PRDM16: variants seen among roughly 807,000 people sequenced by gnomAD.
The protein encoded by PRDM16 is histone-lysine N-methyltransferase PRDM16.
In PRDM16, 23 loss-of-function variants were observed where a neutral mutation model predicts 110.6. The observed-to-expected ratio is 0.21, with a 90% CI of 0.15 to 0.29. The LOEUF (loss-of-function observed/expected upper bound fraction) is 0.29, where lower values mean the gene tolerates loss of function less well. PRDM16 is among the 10% of genes least tolerant of loss of function. The pLI, the probability that PRDM16 is intolerant of heterozygous loss-of-function variation, is 1.00. For synonymous variants in PRDM16, 799 were observed against 781.8 expected, an observed-to-expected ratio of 1.02 and a Z score of -0.37; for missense variants, 1,615 against 1,794.3, an observed-to-expected ratio of 0.90 and a Z score of 1.81.
rs1373495544 is a variant in PRDM16, at chr1:3,404,881, G to A, written c.1027G>A (p.Val343Met). 2.3e-5 allele frequency: 37 copies of A among 1,612,758 alleles called. No individual in the cohort carries two copies. Among genetic ancestry groups the A allele is most frequent in the South Asian group, 5.5e-5 (5 of 91,044 alleles). Residue 343 changes from valine (V) to methionine (M), a missense_variant, in exon 7 of 17, where the codon GTG becomes ATG. This residue lies in a region of PRDM16 where 82 missense variants were observed against 144.4 expected (regional missense o/e 0.57). Transcript: ENST00000270722. ...SGKRFECENC[V>M]KVFTDPSNLQ... ...CAAACGCTTCGAATGTGAAAACTGCGTGAAGGTAACCTGCGGGGCGGCCCC... is the reference window on the plus strand; with the variant it reads ...CAAACGCTTCGAATGTGAAAACTGCATGAAGGTAACCTGCGGGGCGGCCCC...
At chr1:3,422,287 A>ACAGG (rs896855692) in intron 12 of PRDM16, among the ~76,000 whole-genome samples, 1 of 151,188 alleles carries the variant, frequency 6.6e-6, no homozygotes, top group Non-Finnish European at 1.5e-5. Flanking sequence ...AGATGGACAG[A>ACAGG]CAGGCAGGCA....
In PRDM16 at chr1:3,433,909, C is replaced by T. The variant is rs1043168384; in HGVS notation, c.*98C>T. ...CGGAGAACCCTGTCCCTGCGTGTGG[C>T]CACTCCTCAGCATCCTCCCCACCCA... On this transcript the variant is annotated 3_prime_UTR_variant, in exon 17 of 17. Coordinates refer to ENST00000270722, the MANE Select transcript of PRDM16 (RefSeq NM_022114.4). 12 of 1,255,972 alleles carry T rather than the reference C, an allele frequency of 9.6e-6. No homozygotes were observed. The African/African-American group carries it at 1.8e-4, about 19-fold the overall frequency. The allele number at this position is 1,255,972 out of a possible 1,614,324, so 77.8% of individuals were successfully genotyped here.
rs141608269 is a variant in PRDM16, at chr1:3,161,070, G to A, written c.38-25055G>A. Among the ~76,000 whole-genome samples, 389 of 152,288 alleles carry A rather than the reference G, an allele frequency of 2.6e-3. 3 individuals carry two copies. Among genetic ancestry groups the A allele is most frequent in the African/African-American group, 8.6e-3 (358 of 41,538 alleles). ...CCTCAGGCAGGAGCCGGGAGGGGACGTTTTGCTGCCCCCACTCCCTGCCCC... is the reference window on the plus strand; with the variant it reads ...CCTCAGGCAGGAGCCGGGAGGGGACATTTTGCTGCCCCCACTCCCTGCCCC... On this transcript the variant is annotated intron_variant, in intron 1 of 16. Transcript: ENST00000270722.
intron 3 of PRDM16, among the ~76,000 whole-genome samples, chr1:3,341,291 C>G (rs1206074882): frequency 6.6e-6 from 1 of 152,202 alleles, no homozygotes; most frequent in East Asian, 1.9e-4. Flanking sequence ...GGGTAGGTCT[C>G]AGAGGGAGTG....
At chr1:3,221,137 T>C (rs974237012) in intron 2 of PRDM16, among the ~76,000 whole-genome samples, 2 of 152,316 alleles carry the variant, frequency 1.3e-5, no homozygotes, top group South Asian at 4.1e-4. Context: ...CCTTGGGACG[T>C]GTGCAACCTC....
rs949281242 is a variant in PRDM16, at chr1:3,209,938, C to T, written c.387+23464C>T. 6.6e-6 allele frequency among the ~76,000 whole-genome samples: 1 copy of T among 152,208 alleles called. No homozygotes were observed. The highest frequency in any genetic ancestry group is 1.5e-5 in the Non-Finnish European group (1 of 68,038). On this transcript the variant is annotated intron_variant, in intron 2 of 16. Transcript: ENST00000270722. The surrounding 1 kb of genome is among the most constrained non-coding windows in gnomAD (Gnocchi z 4.6). ...TGTTAGCCCTTTCACAGAACTCTTA[C>T]TTAACATGGAAAATATCGTAGCATT...
intron 3 of PRDM16, among the ~76,000 whole-genome samples, chr1:3,381,099 C>T (rs1032465277): frequency 6.6e-6 from 1 of 152,218 alleles, no homozygotes; most frequent in African/African-American, 2.4e-5. Context: ...CTGCTGGCTT[C>T]GGCCTTCTGC....
At chr1:3,094,147 G>A (rs1396569719) in intron 1 of PRDM16, among the ~76,000 whole-genome samples, 1 of 152,200 alleles carries the variant, frequency 6.6e-6, no homozygotes, top group African/African-American at 2.4e-5. Context: ...AGGCGGGCGG[G>A]GCACGCAGGG....
At chr1:3,270,314 GC>G in intron 3 of PRDM16, among the ~76,000 whole-genome samples, 1 of 149,876 alleles carries the variant, frequency 6.7e-6, no homozygotes, top group South Asian at 2.1e-4. Flanking sequence ...TCCCAGAGGA[GC>G]ACAGTCCAAG....
intron 2 of PRDM16, among the ~76,000 whole-genome samples, chr1:3,202,058 T>C (rs12120872): frequency 0.011 from 1,664 of 152,282 alleles, 21 homozygotes; most frequent in Middle Eastern, 0.02. Flanking sequence ...AGGAGGGCTT[T>C]CCACCTGCCT....
intron 1 of PRDM16, among the ~76,000 whole-genome samples, chr1:3,078,374 C>T (rs887281505): frequency 2.0e-5 from 3 of 152,220 alleles, no homozygotes; most frequent in Admixed American, 2.0e-4. Flanking sequence ...TGTGTCCTCA[C>T]TGGGGAGTGG....
chr1:3,114,335 G>C (rs1229586819), intron 1 of PRDM16, among the ~76,000 whole-genome samples: 1 of 132,774 alleles, frequency 7.5e-6, no homozygotes, highest in Admixed American at 7.9e-5. Flanking sequence ...AGTGTAAACA[G>C]ACGCGCACGC....
At chr1:3,241,397 C>G (rs1157625426) in intron 2 of PRDM16, among the ~76,000 whole-genome samples, 2 of 152,250 alleles carry the variant, frequency 1.3e-5, no homozygotes, top group African/African-American at 2.4e-5. Flanking sequence ...GCCCAGGCCC[C>G]GTGCCCAGAG....
At chr1:3,211,826 TGCGTGC>T (rs967593112) in intron 2 of PRDM16, among the ~76,000 whole-genome samples, 8 of 152,206 alleles carry the variant, frequency 5.3e-5, no homozygotes, top group African/African-American at 1.9e-4. Context: ...TGCATGCGTG[TGCGTGC>T]GCGTGCATCC....
chr1:3,234,630 C>G (rs1421603626), intron 2 of PRDM16, among the ~76,000 whole-genome samples: 1 of 152,224 alleles, frequency 6.6e-6, no homozygotes, highest in Admixed American at 6.5e-5. Flanking sequence ...GGCCGGGCCC[C>G]ACCGTGACTG....
At chr1:3,137,981 G>A (rs1055682065) in intron 1 of PRDM16, among the ~76,000 whole-genome samples, 1 of 152,210 alleles carries the variant, frequency 6.6e-6, no homozygotes, top group Non-Finnish European at 1.5e-5. Flanking sequence ...TCCGTCCCTG[G>A]GCCAAGGGGC....
At chr1:3,338,222 G>A (rs940558663) in intron 3 of PRDM16, among the ~76,000 whole-genome samples, 7 of 152,236 alleles carry the variant, frequency 4.6e-5, no homozygotes, top group South Asian at 4.1e-4. Flanking sequence ...CAGGAGAAGG[G>A]GGCATACTGG....
At chr1:3,191,474 C>A (rs967841071) in intron 2 of PRDM16, among the ~76,000 whole-genome samples, 3 of 152,290 alleles carry the variant, frequency 2.0e-5, no homozygotes, top group East Asian at 3.9e-4. Flanking sequence ...CCCTGTGGAC[C>A]AGGAGCTACA....
Position 3,145,257 on chromosome 1 carries a change from G to A in PRDM16, c.38-40868G>A, listed in dbSNP as rs578132033. On this transcript the variant is annotated intron_variant, in intron 1 of 16. Transcript: ENST00000270722. ...ACGTGCAGATGGAGAGGGTGCATGC[G>A]GCACGGTGTCAGTTCCTCAAAGCAC... 5.9e-5 allele frequency among the ~76,000 whole-genome samples: 9 copies of A among 152,248 alleles called. 1 individual carries two copies. Among genetic ancestry groups the A allele is most frequent in the South Asian group, 2.1e-4 (1 of 4,818 alleles).
Sources: gnomAD v4.1 joint callset for allele counts (sites outside exome capture counted in the v4.1 genomes callset) on GRCh38, gnomAD v4.1.1 for gene constraint, gnomAD v4.1.1 regional missense constraint, Gnocchi (gnomAD v3.1) non-coding constraint, MANE v1.5 for transcripts, NCBI Gene and HGNC (gene_info 2026-07-23, HGNC 2026-07-21) for gene names.